VPS41: variants seen among roughly 807,000 people sequenced by gnomAD.
VPS41 encodes the protein vacuolar protein sorting-associated protein 41 homolog.
A neutral mutation model predicts 130.9 loss-of-function variants in VPS41; 85 were observed. The observed-to-expected ratio is 0.65, with a 90% confidence interval of 0.55 to 0.78. The LOEUF (loss-of-function observed/expected upper bound fraction) is 0.78. Among genes scored for constraint, VPS41 ranks in the 30% least tolerant of loss-of-function variants. The probability of loss-of-function intolerance (pLI) is 0.00; values close to 1 mark genes in which losing one functional copy is unlikely to be tolerated. For synonymous variants in VPS41, 335 were observed against 332.9 expected, an observed-to-expected ratio of 1.01 and a Z score of -0.07; for missense variants, 874 against 1,018.7, an observed-to-expected ratio of 0.86 and a Z score of 1.93.
chr7:38,755,002 A>C, intron 19 of VPS41, 66 bp from the exon 20 acceptor site: 3 of 1,456,088 alleles, frequency 2.1e-6, no homozygotes, highest in South Asian at 1.2e-5. Context: ...ACTAAACACA[A>C]TGCAGTGTAC....
At chr7:38,908,517 G>A (rs1562633019) in intron 1 of VPS41, among the ~76,000 whole-genome samples, 1 of 151,896 alleles carries the variant, frequency 6.6e-6, no homozygotes, top group Non-Finnish European at 1.5e-5. Context: ...CTAACTTTGT[G>A]TATAAACTCC....
intron 2 of VPS41, among the ~76,000 whole-genome samples, chr7:38,884,587 T>C (rs1017101632): frequency 6.6e-6 from 1 of 152,064 alleles, no homozygotes; most frequent in East Asian, 1.9e-4. Context: ...ACTCGTGACC[T>C]CAAGCAATCC....
intron 10 of VPS41, among the ~76,000 whole-genome samples, chr7:38,779,710 C>T (rs1784322393): frequency 6.6e-6 from 1 of 152,060 alleles, no homozygotes; most frequent in African/African-American, 2.4e-5. Context: ...TGCTGAGTCC[C>T]AGAAGGGCTG....
At chr7:38,743,635 G>T (rs2115647953) in intron 23 of VPS41, 93 bp from the exon 24 acceptor site, 1 of 1,444,922 alleles carries the variant, frequency 6.9e-7, no homozygotes, top group South Asian at 1.3e-5. Flanking sequence ...GTTTACATAG[G>T]TGGAAAGCTA....
intron 4 of VPS41, among the ~76,000 whole-genome samples, chr7:38,830,873 T>C (rs1232715969): frequency 1.3e-5 from 2 of 152,198 alleles, no homozygotes; most frequent in African/African-American, 4.8e-5. Context: ...TGAAGATAGA[T>C]ATTTGATCCA....
intron 7 of VPS41, among the ~76,000 whole-genome samples, chr7:38,810,059 T>C (rs1471505290): frequency 6.6e-6 from 1 of 151,916 alleles, no homozygotes; most frequent in African/African-American, 2.4e-5. Context: ...TTCACGTGTT[T>C]GAAAGCTCTC....
chr7:38,752,867 G>A (rs1180959824), intron 21 of VPS41, among the ~76,000 whole-genome samples: 2 of 152,136 alleles, frequency 1.3e-5, no homozygotes, highest in African/African-American at 2.4e-5. Context: ...CATACATTCT[G>A]CATCTCCTCT....
chr7:38,815,610 G>C (rs894821881), intron 7 of VPS41, among the ~76,000 whole-genome samples: 10 of 152,168 alleles, frequency 6.6e-5, no homozygotes, highest in African/African-American at 2.4e-4. Context: ...GCCCAAAGGA[G>C]ATTAACATTT....
At chr7:38,889,055 T>C (rs921362379) in intron 2 of VPS41, among the ~76,000 whole-genome samples, 7 of 151,344 alleles carry the variant, frequency 4.6e-5, no homozygotes, top group African/African-American at 1.7e-4. Flanking sequence ...TGTATACCTA[T>C]GTAACAAAAT....
intron 21 of VPS41, among the ~76,000 whole-genome samples, chr7:38,753,464 GGTCA>G (rs1783724700): frequency 6.6e-6 from 1 of 152,024 alleles, no homozygotes; most frequent in South Asian, 2.1e-4. Context: ...CTGGCACTGG[GGTCA>G]GTGTGTTAGC....
chr7:38,774,991 G>A (rs1219520288), intron 11 of VPS41, among the ~76,000 whole-genome samples: 1 of 152,146 alleles, frequency 6.6e-6, no homozygotes, highest in Non-Finnish European at 1.5e-5. Context: ...ATGGAATAAT[G>A]CCCATGAAAA....
intron 7 of VPS41, among the ~76,000 whole-genome samples, chr7:38,804,524 T>C (rs1784801416): frequency 6.6e-6 from 1 of 152,264 alleles, no homozygotes; most frequent in South Asian, 2.1e-4. Context: ...ACCAATGCTC[T>C]GAAATTTAAA....
chr7:38,887,513 G>A (rs1786760195), intron 2 of VPS41, among the ~76,000 whole-genome samples: 1 of 152,172 alleles, frequency 6.6e-6, no homozygotes, highest in Admixed American at 6.5e-5. Flanking sequence ...ACACCTCCAA[G>A]AAATATGGGA....
intron 7 of VPS41, among the ~76,000 whole-genome samples, chr7:38,813,557 G>A (rs1052692401): frequency 6.6e-5 from 10 of 152,050 alleles, no homozygotes; most frequent in Non-Finnish European, 1.3e-4. Flanking sequence ...TTTTAAAACA[G>A]CTAAAAAAAT....
intron 6 of VPS41, 117 bp downstream of exon 6, chr7:38,821,086 T>C (rs910334112): frequency 6.6e-5 from 49 of 743,562 alleles, no homozygotes; most frequent in Non-Finnish European, 1.0e-4. Context: ...ATCTGAAGTG[T>C]TGAACAGACA....
intron 4 of VPS41, among the ~76,000 whole-genome samples, chr7:38,850,472 C>T (rs540997304): frequency 9.9e-5 from 15 of 152,154 alleles, no homozygotes; most frequent in Non-Finnish European, 2.2e-4. Flanking sequence ...GTACAAACAC[C>T]TTCTAATTAA....
chr7:38,831,050 C>T (rs1435216149), intron 4 of VPS41, among the ~76,000 whole-genome samples: 1 of 152,216 alleles, frequency 6.6e-6, no homozygotes, highest in African/African-American at 2.4e-5. Context: ...CATGTCTGGA[C>T]TTCCGGCTGA....
At chr7:38,796,626 C>T (rs1256487943) in intron 8 of VPS41, 119 bp downstream of exon 8, 3 of 1,474,592 alleles carry the variant, frequency 2.0e-6, no homozygotes, top group Admixed American at 1.7e-5. Context: ...ATCGTCCTTA[C>T]ACCCTTTAGA....
Position 38,776,663 on chromosome 7 carries a change from G to C in VPS41, c.882+16C>G. On this transcript the variant is annotated intron_variant, in intron 11 of 28. Transcript: ENST00000310301. ...GAACCCCCACATGCCTTTGTATCTG[G>C]GGAGAAAATAATTACCGTTTTTTCT... 1.3e-6 allele frequency: 2 copies of C among 1,482,144 alleles called. No homozygotes were observed. Among genetic ancestry groups the C allele is most frequent in the Non-Finnish European group, 1.9e-6 (2 of 1,060,584 alleles). The allele number at this position is 1,482,144 out of a possible 1,614,324, so 91.8% of individuals were successfully genotyped here.
Sources: gnomAD v4.1 joint callset for allele counts (sites outside exome capture counted in the v4.1 genomes callset) on GRCh38, gnomAD v4.1.1 for gene constraint, MANE v1.5 for transcripts, NCBI Gene and HGNC (gene_info 2026-07-23, HGNC 2026-07-21) for gene names.